CWH43: variants seen among roughly 807,000 people sequenced by gnomAD.
The protein encoded by CWH43 is PGAP2-interacting protein.
CWH43 carries 91 observed loss-of-function variants against 85.7 expected under a neutral mutation model. That is an observed-to-expected ratio of 1.06 (90% CI 0.90 to 1.26). The LOEUF (loss-of-function observed/expected upper bound fraction) is 1.26. CWH43 is among the 50% of genes most tolerant of loss of function. CWH43 has a pLI of 0.00. For missense variants in CWH43, 869 were observed against 839.2 expected (o/e 1.04, Z -0.44); for synonymous variants, 323 against 293.6 (o/e 1.10, Z -1.02).
At chr4:48,998,993 C>T (rs756626724) in intron 6 of CWH43, among the ~76,000 whole-genome samples, 2 of 152,030 alleles carry the variant, frequency 1.3e-5, no homozygotes, top group Non-Finnish European at 2.9e-5. Flanking sequence ...TAAGTAAATT[C>T]GTGCAATGGG....
intron 9 of CWH43, among the ~76,000 whole-genome samples, chr4:49,021,195 T>A (rs1165364175): frequency 6.6e-6 from 1 of 152,238 alleles, no homozygotes; most frequent in Non-Finnish European, 1.5e-5. Flanking sequence ...AGGTGTTAGA[T>A]CTAAGTCTTT....
chr4:49,013,030 T>C (rs1293736832), intron 8 of CWH43, among the ~76,000 whole-genome samples: 1 of 152,234 alleles, frequency 6.6e-6, no homozygotes, highest in East Asian at 1.9e-4. Flanking sequence ...TTCAGAGCTG[T>C]CAGACAGGGA....
chr4:48,993,879 C>T (rs1408829703), intron 4 of CWH43, among the ~76,000 whole-genome samples: 5 of 152,026 alleles, frequency 3.3e-5, no homozygotes, highest in Admixed American at 2.6e-4. Flanking sequence ...CTCAGCCTCC[C>T]GAGTAGCTGG....
At chr4:48,998,372 C>T (rs959331328) in intron 5 of CWH43, 88 bp from the exon 6 acceptor site, 3 of 1,020,608 alleles carry the variant, frequency 2.9e-6, no homozygotes, top group African/African-American at 3.1e-5. Context: ...TATATGTACC[C>T]AGAGGTGGGA....
rs116275329 is a variant in CWH43 at position 49,061,941 on chromosome 4, T to C, written c.*51T>C. ...CTGGGAAAATCTAAGAAAAAAAGTATGTAAGATAAAAAGAAGAGATTAATG... is the reference window on the plus strand; with the variant it reads ...CTGGGAAAATCTAAGAAAAAAAGTACGTAAGATAAAAAGAAGAGATTAATG... On this transcript the variant is annotated 3_prime_UTR_variant, in exon 16 of 16. Coordinates refer to ENST00000226432, the MANE Select transcript of CWH43 (RefSeq NM_025087.3). The C allele has an allele frequency of 9.1e-4, 1,139 of 1,245,400 alleles. 17 individuals carry two copies. In the African/African-American group the frequency reaches 0.015, roughly 16 times the overall value. The allele number at this position is 1,245,400 out of a possible 1,614,324, so 77.1% of individuals were successfully genotyped here. A position where few individuals can be genotyped will look rare whatever the true frequency, so the allele number is the denominator to read the frequency against.
intron 8 of CWH43, among the ~76,000 whole-genome samples, chr4:49,016,196 C>A (rs992230700): frequency 3.9e-5 from 6 of 152,182 alleles, no homozygotes; most frequent in Non-Finnish European, 8.8e-5. Flanking sequence ...CACATTTCCC[C>A]TTTGCACAAA....
intron 14 of CWH43, among the ~76,000 whole-genome samples, chr4:49,045,710 C>G (rs1402611405): frequency 6.6e-6 from 1 of 152,032 alleles, no homozygotes; most frequent in Non-Finnish European, 1.5e-5. Flanking sequence ...TGACACATTT[C>G]TTTCTTTTTT....
intron 15 of CWH43, among the ~76,000 whole-genome samples, chr4:49,056,577 C>T (rs1396283292): frequency 1.3e-5 from 2 of 151,946 alleles, no homozygotes; most frequent in Non-Finnish European, 2.9e-5. Flanking sequence ...GTAAGTCTAG[C>T]TAACACTTTA....
chr4:49,054,908 A>C (rs1159117255), intron 15 of CWH43, among the ~76,000 whole-genome samples: 1 of 151,004 alleles, frequency 6.6e-6, no homozygotes, highest in Non-Finnish European at 1.5e-5. Context: ...TTTTCAGTGG[A>C]GTTTTTAGGG....
At chr4:48,994,267 C>A (rs1192718885) in intron 4 of CWH43, among the ~76,000 whole-genome samples, 1 of 152,194 alleles carries the variant, frequency 6.6e-6, no homozygotes, top group East Asian at 1.9e-4. Context: ...AGCTTGTGTA[C>A]TGGAAATGTT....
chr4:48,994,896 C>A, intron 5 of CWH43, 76 bp downstream of exon 5: 1 of 1,174,480 alleles, frequency 8.5e-7, no homozygotes, highest in Non-Finnish European at 1.3e-6. Flanking sequence ...TGTCAGACAG[C>A]TAGGTCTGTG....
At chr4:49,054,842 C>T (rs530003426) in intron 15 of CWH43, among the ~76,000 whole-genome samples, 9 of 151,556 alleles carry the variant, frequency 5.9e-5, no homozygotes, top group South Asian at 2.1e-4. Context: ...TTTTGTATGC[C>T]GCTTTTGTAT....
chr4:49,034,226 T>C (rs1415113918), intron 12 of CWH43, among the ~76,000 whole-genome samples: 1 of 152,190 alleles, frequency 6.6e-6, no homozygotes, highest in Non-Finnish European at 1.5e-5. Flanking sequence ...ATGTAGCAAG[T>C]ACAGGCATTC....
intron 7 of CWH43, among the ~76,000 whole-genome samples, 163 bp downstream of exon 7, chr4:49,004,155 T>C (rs1400931962): frequency 6.6e-6 from 1 of 152,218 alleles, no homozygotes; most frequent in Non-Finnish European, 1.5e-5. Context: ...TGGAGTGATG[T>C]CTAAATTATA....
At chr4:49,034,347 C>G (rs1784197305) in intron 12 of CWH43, among the ~76,000 whole-genome samples, 1 of 152,172 alleles carries the variant, frequency 6.6e-6, no homozygotes, top group Non-Finnish European at 1.5e-5. Flanking sequence ...AACAGTTTAA[C>G]TCCTTCCCTT....
chr4:48,997,995 T>C (rs1244479774), intron 5 of CWH43, among the ~76,000 whole-genome samples: 1 of 152,178 alleles, frequency 6.6e-6, no homozygotes, highest in African/African-American at 2.4e-5. Flanking sequence ...AAATAGTTTG[T>C]GGTTGTTTTA....
chr4:49,044,888 A>G, intron 14 of CWH43, 41 bp downstream of exon 14: 1 of 1,527,070 alleles, frequency 6.5e-7, no homozygotes, highest in Non-Finnish European at 9.0e-7. Flanking sequence ...TCTATTATTA[A>G]TGTGATCTTT....
At position 49,007,221 on chromosome 4, in the gene CWH43, G is replaced by T. The variant is rs141315226; in HGVS notation, c.1081G>T (p.Gly361Trp). 2 of 1,609,024 alleles carry T rather than the reference G, an allele frequency of 1.2e-6. No individual in the cohort carries two copies. The highest frequency in any genetic ancestry group is 1.1e-5 in the South Asian group (1 of 89,748). Reference sequence around the variant, plus strand: ...AACAGGGACAATGATGTTAATTATCGGGCTGAATATGCTATTTGGTCCTAA... The same window carrying T: ...AACAGGGACAATGATGTTAATTATCTGGCTGAATATGCTATTTGGTCCTAA... ...VLLGTMMLII[G>W]LNMLFGPKKN... Residue 361 changes from glycine (G) to tryptophan (W), a missense_variant, in exon 8 of 16, where the codon GGG becomes TGG. Coordinates refer to ENST00000226432, the MANE Select transcript of CWH43 (RefSeq NM_025087.3).
chr4:49,054,415 T>C (rs1019999350), intron 15 of CWH43, among the ~76,000 whole-genome samples: 15 of 152,176 alleles, frequency 9.9e-5, no homozygotes, highest in Admixed American at 9.8e-4. Flanking sequence ...TACAGGTTTG[T>C]AGTGTATTTT....
Sources: gnomAD v4.1 joint callset for allele counts (sites outside exome capture counted in the v4.1 genomes callset) on GRCh38, gnomAD v4.1.1 for gene constraint, MANE v1.5 for transcripts, NCBI Gene and HGNC (gene_info 2026-07-23, HGNC 2026-07-21) for gene names.